The following LINGO2 variants were observed in gnomAD, a reference collection of about 807,000 sequenced individuals.
LINGO2 encodes the protein leucine-rich repeat and immunoglobulin-like domain-containing nogo receptor-interacting protein 2.
Under a neutral mutation model 30.6 loss-of-function variants are expected in LINGO2, and 14 were observed. That is an observed-to-expected ratio of 0.46 (90% CI 0.30 to 0.72). LINGO2 has a LOEUF of 0.72. Ranked by LOEUF, LINGO2 falls within the 30% of genes least tolerant of loss-of-function variation. The pLI, the probability that LINGO2 is intolerant of heterozygous loss-of-function variation, is 0.07. For synonymous variants in LINGO2, 317 were observed against 288.5 expected, an observed-to-expected ratio of 1.10 and a Z score of -1.00; for missense variants, 729 against 751.7, an observed-to-expected ratio of 0.97 and a Z score of 0.35.
intron 4 of LINGO2, among the ~76,000 whole-genome samples, chr9:28,018,948 A>G (rs1822976740): frequency 6.6e-6 from 1 of 152,204 alleles, no homozygotes; most frequent in African/African-American, 2.4e-5. Flanking sequence ...CTATGTAGCC[A>G]TAAAATAGAA....
chr9:28,521,393 C>T (rs1820823994), intron 1 of LINGO2, among the ~76,000 whole-genome samples: 1 of 152,160 alleles, frequency 6.6e-6, no homozygotes, highest in South Asian at 2.1e-4. Context: ...TTCCTACTTA[C>T]AATGCCAAAC....
intron 1 of LINGO2, among the ~76,000 whole-genome samples, chr9:28,563,202 T>A (rs1823194067): frequency 6.6e-6 from 1 of 152,094 alleles, no homozygotes; most frequent in African/African-American, 2.4e-5. Flanking sequence ...TCAGTGAGGT[T>A]AAATATTTTG....
At chr9:28,565,921 C>G (rs894572027) in intron 1 of LINGO2, among the ~76,000 whole-genome samples, 2 of 152,084 alleles carry the variant, frequency 1.3e-5, no homozygotes, top group Non-Finnish European at 2.9e-5. Context: ...TTCTCAGACA[C>G]TCTTGGGGCT....
At chr9:27,990,787 C>T (rs1196632747) in intron 5 of LINGO2, among the ~76,000 whole-genome samples, 1 of 152,000 alleles carries the variant, frequency 6.6e-6, no homozygotes, top group African/African-American at 2.4e-5. Flanking sequence ...ATCATCTCTG[C>T]CTAGCAGGCA....
chr9:28,470,446 C>T (rs567247458), intron 2 of LINGO2, among the ~76,000 whole-genome samples: 1 of 152,272 alleles, frequency 6.6e-6, no homozygotes, highest in East Asian at 1.9e-4. Context: ...TCAACCATTA[C>T]ATAGCTCGCC....
intron 4 of LINGO2, among the ~76,000 whole-genome samples, chr9:28,242,809 G>A (rs1821847936): frequency 6.6e-6 from 1 of 152,100 alleles, no homozygotes; most frequent in Non-Finnish European, 1.5e-5. Context: ...AGAGAGTAGG[G>A]GCCAATATTC....
At chr9:28,558,958 G>A (rs1822898100) in intron 1 of LINGO2, among the ~76,000 whole-genome samples, 1 of 151,974 alleles carries the variant, frequency 6.6e-6, no homozygotes, top group Admixed American at 6.6e-5. Context: ...GAGATTTAGA[G>A]AAAAAAGTAG....
intron 1 of LINGO2, among the ~76,000 whole-genome samples, chr9:28,613,610 C>A (rs1826010484): frequency 6.6e-6 from 1 of 151,624 alleles, no homozygotes; most frequent in Non-Finnish European, 1.5e-5. Flanking sequence ...AAAGTTGAGC[C>A]CATTGTTGGT....
At chr9:28,617,741 C>A (rs1214458004) in intron 1 of LINGO2, among the ~76,000 whole-genome samples, 1 of 151,470 alleles carries the variant, frequency 6.6e-6, no homozygotes, top group Non-Finnish European at 1.5e-5. Flanking sequence ...TTTTTATTTT[C>A]ATAATTACAA....
At chr9:28,142,982 A>G (rs756968262) in intron 4 of LINGO2, among the ~76,000 whole-genome samples, 1 of 152,162 alleles carries the variant, frequency 6.6e-6, no homozygotes, top group Non-Finnish European at 1.5e-5. Flanking sequence ...TGAAAAGTCT[A>G]TATCAGTAGA....
chr9:28,155,759 G>C (rs1828115708), intron 4 of LINGO2, among the ~76,000 whole-genome samples: 1 of 152,114 alleles, frequency 6.6e-6, no homozygotes, highest in Non-Finnish European at 1.5e-5. Flanking sequence ...ATGCCTTTGG[G>C]AAGTGATTAT....
chr9:28,202,603 G>T (rs1305622980), intron 4 of LINGO2, among the ~76,000 whole-genome samples: 4 of 151,954 alleles, frequency 2.6e-5, no homozygotes, highest in Non-Finnish European at 4.4e-5. Context: ...TTCCTTTATT[G>T]TCATATATAT....
At chr9:28,782,387 T>G in the LINGO2 span, among the ~76,000 whole-genome samples, 1 of 152,194 alleles carries the variant, frequency 6.6e-6, no homozygotes, top group African/African-American at 2.4e-5. Flanking sequence ...GATCATCTAC[T>G]ATGCACCAGA....
chr9:28,338,157 T>C (rs566119276), intron 3 of LINGO2, among the ~76,000 whole-genome samples: 1 of 152,288 alleles, frequency 6.6e-6, no homozygotes, highest in East Asian at 1.9e-4. Context: ...CAAGCCCACC[T>C]CTTGCATCAT....
rs757086035 is a variant in LINGO2 at position 28,129,550 on chromosome 9, C to G, written c.-86-117145G>C. 8 of 152,214 alleles carry G rather than the reference C, an allele frequency of 5.3e-5. No individual in the cohort carries two copies. Among genetic ancestry groups the G allele is most frequent in the Non-Finnish European group, 7.3e-5 (5 of 68,062 alleles). 9.4% of individuals were successfully genotyped at this position (152,214 alleles called of 1,614,324 possible). On this transcript the variant is annotated intron_variant, in intron 4 of 5. Transcript: ENST00000379992. The surrounding 1 kb of genome is among the most constrained non-coding windows in gnomAD (Gnocchi z 4.0). ...CTGGGTCCTGCCCATGTGAATGGAT[C>G]TAGGATTACTTCCCTGACTCTTCCC...
the LINGO2 span, among the ~76,000 whole-genome samples, chr9:28,911,495 G>A: frequency 6.6e-6 from 1 of 151,938 alleles, no homozygotes; most frequent in African/African-American, 2.4e-5. Flanking sequence ...GAAAGAAGGA[G>A]ATTATGGACA....
intron 1 of LINGO2, among the ~76,000 whole-genome samples, chr9:28,602,262 G>T (rs1245906467): frequency 4.6e-5 from 7 of 151,990 alleles, no homozygotes; most frequent in Non-Finnish European, 2.9e-5. Flanking sequence ...TGGGGAGGTT[G>T]GTGCAGGGGA....
the LINGO2 span, among the ~76,000 whole-genome samples, chr9:28,943,855 T>C: frequency 1.3e-5 from 2 of 152,172 alleles, no homozygotes; most frequent in Admixed American, 6.5e-5. Flanking sequence ...ACAGTGGCAT[T>C]CTTTGTTTAA....
the LINGO2 span, among the ~76,000 whole-genome samples, chr9:29,058,165 T>C: frequency 2.0e-5 from 3 of 152,060 alleles, no homozygotes; most frequent in Non-Finnish European, 2.9e-5. Context: ...GCAGACAAGA[T>C]TTTTAATTAG....
Sources: gnomAD v4.1 joint callset for allele counts (sites outside exome capture counted in the v4.1 genomes callset) on GRCh38, gnomAD v4.1.1 for gene constraint, Gnocchi (gnomAD v3.1) non-coding constraint, MANE v1.5 for transcripts, NCBI Gene and HGNC (gene_info 2026-07-23, HGNC 2026-07-21) for gene names.